KIF18A: variants seen among roughly 807,000 people sequenced by gnomAD.
The protein encoded by KIF18A is kinesin-like protein KIF18A.
A neutral mutation model predicts 103.3 loss-of-function variants in KIF18A; 67 were observed. The observed-to-expected ratio is 0.65, with a 90% CI of 0.53 to 0.79. The LOEUF is 0.79. KIF18A is among the 30% of genes least tolerant of loss of function. The pLI is 0.00. For missense variants in KIF18A, 1,032 were observed against 1,062.5 expected (o/e 0.97, Z 0.40); for synonymous variants, 367 against 355.5 (o/e 1.03, Z -0.36).
intron 6 of KIF18A, among the ~76,000 whole-genome samples, chr11:28,086,962 G>A (rs957171930): frequency 5.9e-5 from 9 of 151,362 alleles, no homozygotes; most frequent in Admixed American, 4.6e-4. Context: ...TGTGATTTCA[G>A]TAATTTGCCT....
chr11:28,029,098 G>T (rs1399384377), intron 15 of KIF18A, among the ~76,000 whole-genome samples: 2 of 152,234 alleles, frequency 1.3e-5, no homozygotes, highest in African/African-American at 4.8e-5. Flanking sequence ...TCTACCAGAG[G>T]TACAAAGAGG....
At chr11:28,032,021 A>G (rs1850416816) in intron 15 of KIF18A, among the ~76,000 whole-genome samples, 2 of 151,940 alleles carry the variant, frequency 1.3e-5, no homozygotes, top group South Asian at 4.1e-4. Flanking sequence ...ATGAGAACCT[A>G]GAAACAAATT....
intron 15 of KIF18A, among the ~76,000 whole-genome samples, chr11:28,033,583 ATTATG>A (rs1850439312): frequency 6.6e-6 from 1 of 151,862 alleles, no homozygotes. Context: ...ACTGATGGTA[ATTATG>A]TTAAGTGAAA....
chr11:28,074,095 A>T (rs868866393), intron 10 of KIF18A, among the ~76,000 whole-genome samples: 22 of 152,184 alleles, frequency 1.4e-4, no homozygotes, highest in South Asian at 2.1e-4. Context: ...GCTACTTGGG[A>T]GTCTGAGCTA....
At chr11:28,039,481 C>T (rs1850533318) in intron 13 of KIF18A, among the ~76,000 whole-genome samples, 1 of 151,620 alleles carries the variant, frequency 6.6e-6, no homozygotes. Flanking sequence ...ATTATAGAGT[C>T]ATTATTTTTT....
At position 28,084,633 on chromosome 11, in the gene KIF18A, G is replaced by A. The variant is rs374601957; in HGVS notation, c.1073C>T (p.Ser358Phe). 7 of 1,602,422 alleles carry A rather than the reference G, an allele frequency of 4.4e-6. No homozygotes were observed. The highest frequency in any genetic ancestry group is 6.0e-6 in the Non-Finnish European group (7 of 1,171,640). Residue 358 changes from serine to phenylalanine, a missense_variant and splice_region_variant, in exon 7 of 17, where the codon TCT becomes TTT. Coordinates refer to ENST00000263181, the MANE Select transcript of KIF18A (RefSeq NM_031217.4). Reference sequence around the variant, plus strand: ...CAAAGGCAGAGTAAACAGACTTACAGAAGATTTAATGTCCTTTGCCCGGTT... The same window carrying A: ...CAAAGGCAGAGTAAACAGACTTACAAAAGATTTAATGTCCTTTGCCCGGTT... ...YANRAKDIKS[S>F]LKSNVLNVNN...
intron 9 of KIF18A, among the ~76,000 whole-genome samples, chr11:28,081,694 A>G (rs555547774): frequency 2.1e-4 from 32 of 152,310 alleles, no homozygotes; most frequent in African/African-American, 7.7e-4. Flanking sequence ...TCTGCAGCTC[A>G]TGGATCATGC....
At chr11:28,085,548 T>C (rs1221213972) in intron 6 of KIF18A, among the ~76,000 whole-genome samples, 1 of 152,174 alleles carries the variant, frequency 6.6e-6, no homozygotes, top group East Asian at 1.9e-4. Context: ...GCGCCATCTC[T>C]CTCTCTGTTA....
rs1850235471 is a variant in KIF18A at position 28,021,134 on chromosome 11, A to G, written c.*66T>C. ...TTCAAAGATTTTAAATATATTTTTG[A>G]AAGGGTATTGATAAACTTTGAAAAG... On this transcript the variant is annotated 3_prime_UTR_variant, in exon 17 of 17. Coordinates refer to ENST00000263181, the MANE Select transcript of KIF18A (RefSeq NM_031217.4). 7.5e-7 allele frequency: 1 copy of G among 1,333,376 alleles called. No individual in the cohort carries two copies. Among genetic ancestry groups the G allele is most frequent in the Non-Finnish European group, 9.7e-7 (1 of 1,028,862 alleles). The allele number at this position is 1,333,376 out of a possible 1,614,324, so 82.6% of individuals were successfully genotyped here. A position where few individuals can be genotyped will look rare whatever the true frequency, so the allele number is the denominator to read the frequency against.
chr11:28,059,056 A>G lies in KIF18A; in HGVS notation c.1818T>C (p.His606=). 1.2e-6 allele frequency: 2 copies of G among 1,614,064 alleles called. No homozygotes were observed. Among genetic ancestry groups the G allele is most frequent in the African/African-American group, 2.7e-5 (2 of 75,042 alleles). The change falls in exon 13 of 17, where the codon CAT becomes CAC. Residue 606 remains histidine (H), a synonymous_variant. Transcript: ENST00000263181. ...AFESDFKEIE[H]LVERKKVVVW... ...CTACCACTTTTTTCCTCTCTACCAA[A>G]TGTTCGATCTCTTTGAAGTCAGATT...
intron 15 of KIF18A, among the ~76,000 whole-genome samples, chr11:28,031,961 T>C (rs943511021): frequency 1.3e-5 from 2 of 151,856 alleles, no homozygotes; most frequent in African/African-American, 4.8e-5. Context: ...TGTTTGCAGA[T>C]GACATGATCT....
chr11:28,049,610 GCA>G (rs1485131290), intron 13 of KIF18A, among the ~76,000 whole-genome samples: 1 of 151,998 alleles, frequency 6.6e-6, no homozygotes, highest in African/African-American at 2.4e-5. Flanking sequence ...CAAAACGATG[GCA>G]AGGATTCTTC....
In KIF18A at chr11:28,059,043, T is replaced by C. The variant is rs746561656; in HGVS notation, c.1831A>G (p.Lys611Glu). Residue 611 changes from lysine to glutamate, a missense_variant, in exon 13 of 17, where the codon AAA (lysine) becomes GAA (glutamate). Lys to Glu is a moderately conservative substitution (Grantham distance 56). Transcript: ENST00000263181. ...FKEIEHLVER[K>E]KVVVWADQTA... ...TGGTCAGCCCAAACTACCACTTTTT[T>C]CCTCTCTACCAAATGTTCGATCTCT... The C allele has an allele frequency of 2.9e-5, 47 of 1,613,962 alleles. 1 individual carries two copies. The Admixed American group carries it at 7.3e-4, about 25-fold the overall frequency.
Position 28,034,501 on chromosome 11 carries a change from G to T in KIF18A, c.2504+886C>A, listed in dbSNP as rs548652229. ...GTGTTTAACAGGGTCTTTTCTTCAT[G>T]GTGGTCCCTGAACTCCAATTTTTCT... is the stretch of plus-strand genomic sequence containing the variant. On this transcript the variant is annotated intron_variant, in intron 15 of 16. Coordinates refer to ENST00000263181, the MANE Select transcript of KIF18A (RefSeq NM_031217.4). Among the ~76,000 whole-genome samples, 3 of 151,752 alleles carry T rather than the reference G, an allele frequency of 2.0e-5. No individual in the cohort carries two copies. The South Asian group carries it at 6.2e-4, about 31-fold the overall frequency.
At chr11:28,071,515 A>G (rs1000214067) in intron 10 of KIF18A, among the ~76,000 whole-genome samples, 1 of 149,192 alleles carries the variant, frequency 6.7e-6, no homozygotes, top group Non-Finnish European at 1.5e-5. Flanking sequence ...AATTTTTATT[A>G]TTTACAATTA....
Position 28,077,004 on chromosome 11 carries a change from T to C in KIF18A, c.1425+3A>G. 7.0e-7 allele frequency: 1 copy of C among 1,431,530 alleles called. No individual in the cohort carries two copies. Among genetic ancestry groups the C allele is most frequent in the Non-Finnish European group, 9.3e-7 (1 of 1,072,194 alleles). 88.7% of individuals were successfully genotyped at this position (1,431,530 alleles called of 1,614,324 possible). On this transcript the variant is annotated splice_donor_region_variant and intron_variant, in intron 10 of 16. Coordinates refer to ENST00000263181, the MANE Select transcript of KIF18A (RefSeq NM_031217.4). ...AAAATTTAATTATAAAATTGTTAAT[T>C]ACCTTTTCTACTTTGTCTTCAGAAC...
intron 5 of KIF18A, among the ~76,000 whole-genome samples, chr11:28,089,616 G>T (rs1851276036): frequency 6.6e-6 from 1 of 152,152 alleles, no homozygotes; most frequent in Non-Finnish European, 1.5e-5. Flanking sequence ...TTTCAGCTCT[G>T]TTGTAATCTT....
At chr11:28,068,433 TAA>T (rs201902657) in intron 11 of KIF18A, among the ~76,000 whole-genome samples, 72 of 97,632 alleles carry the variant, frequency 7.4e-4, no homozygotes, top group South Asian at 3.1e-3. Flanking sequence ...AACTTAAAGT[TAA>T]AAAAAAAAAA....
At chr11:28,039,133 G>A (rs76523927) in intron 13 of KIF18A, among the ~76,000 whole-genome samples, 1,928 of 151,630 alleles carry the variant, frequency 0.013, 29 homozygotes, top group African/African-American at 0.013. Context: ...AGAAAAAAGC[G>A]GATATTACCT....
Sources: gnomAD v4.1 joint callset for allele counts (sites outside exome capture counted in the v4.1 genomes callset) on GRCh38, gnomAD v4.1.1 for gene constraint, MANE v1.5 for transcripts, NCBI Gene and HGNC (gene_info 2026-07-23, HGNC 2026-07-21) for gene names.